The following SFI1 variants were observed in gnomAD, a reference collection of about 807,000 sequenced individuals.
The protein encoded by SFI1 is SFI1 centrin binding protein.
A neutral mutation model predicts 207.5 loss-of-function variants in SFI1; 195 were observed. The ratio of observed to expected loss-of-function variants is 0.94; its 90% confidence interval spans 0.84 to 1.06. SFI1 has a LOEUF of 1.06. Ranked by LOEUF, SFI1 falls within the 50% of genes least tolerant of loss-of-function variation. The pLI, the probability that SFI1 is intolerant of heterozygous loss-of-function variation, is 0.00. For missense variants in SFI1, 1,634 were observed against 1,588.0 expected, an observed-to-expected ratio of 1.03 and a Z score of -0.49; for synonymous variants, 630 against 598.9, an observed-to-expected ratio of 1.05 and a Z score of -0.76.
intron 15 of SFI1, 43 bp downstream of exon 15, chr22:31,589,620 A>G (rs759848820): frequency 1.1e-5 from 17 of 1,577,274 alleles, no homozygotes; most frequent in Non-Finnish European, 1.5e-5. Context: ...AGGTGTTTCA[A>G]ATCTAACTCT....
At chr22:31,582,223 TATATATATATATA>T (rs1427315155) in intron 12 of SFI1, among the ~76,000 whole-genome samples, 1 of 43,110 alleles carries the variant, frequency 2.3e-5, no homozygotes, top group Non-Finnish European at 4.7e-5. Context: ...TATATATATA[TATATATATATATA>T]TTTTTTTTTT....
chr22:31,586,202 A>G (rs2065008142), intron 14 of SFI1, among the ~76,000 whole-genome samples: 2 of 151,434 alleles, frequency 1.3e-5, no homozygotes, highest in Admixed American at 6.6e-5. Flanking sequence ...CCAGTTCTCT[A>G]TTTCACACTC....
chr22:31,614,959 TG>T, intron 28 of SFI1, 88 bp from the exon 29 acceptor site: 2 of 1,572,082 alleles, frequency 1.3e-6, no homozygotes, highest in Non-Finnish European at 1.7e-6. Flanking sequence ...TTGGCAGCCC[TG>T]GGGTGGGTGG....
chr22:31,613,420 C>A lies in SFI1; in HGVS notation c.2632C>A (p.Leu878Ile). 2 of 1,610,484 alleles carry A rather than the reference C, an allele frequency of 1.2e-6. No homozygotes were observed. Among genetic ancestry groups the A allele is most frequent in the Non-Finnish European group, 1.7e-6 (2 of 1,179,826 alleles). ...AAAGAAGGCGCGGCTGCAGTGGGCG[C>A]TCCAGGCCTACCAGGGGCAGCTCCT... Reference protein sequence around the residue: ...RRKKARLQWALQAYQGQLLQE... With the variant: ...RRKKARLQWAIQAYQGQLLQE... Residue 878 changes from leucine (L) to isoleucine (I), a missense_variant, in exon 26 of 33, where the codon CTC (leucine) becomes ATC (isoleucine). Transcript: ENST00000400288.
chr22:31,521,002 C>CA (rs57346699), intron 2 of SFI1, among the ~76,000 whole-genome samples: 2,268 of 46,748 alleles, frequency 0.049, 100 homozygotes, highest in East Asian at 0.14. Context: ...GACCCTGTCT[C>CA]AAAAAAAAAA....
intron 6 of SFI1, among the ~76,000 whole-genome samples, chr22:31,555,150 A>G (rs1476018039): frequency 6.7e-6 from 1 of 149,136 alleles, no homozygotes; most frequent in Admixed American, 6.7e-5. Flanking sequence ...ATTTATAGTT[A>G]CAGTGAATCT....
In SFI1 at chr22:31,508,270, A is replaced by G; in HGVS notation, c.-15A>G. 2 of 1,579,202 alleles carry G rather than the reference A, an allele frequency of 1.3e-6. No individual in the cohort carries two copies. Among genetic ancestry groups the G allele is most frequent in the Non-Finnish European group, 1.7e-6 (2 of 1,149,534 alleles). On this transcript the variant is annotated 5_prime_UTR_variant, in exon 2 of 33. In the 5' UTR this introduces an upstream ATG that the reference lacks. Coordinates refer to ENST00000400288, the MANE Select transcript of SFI1 (RefSeq NM_001007467.3). Reference sequence around the variant, plus strand: ...TTTCTTGTAGTTAGAAGGGGAAGATAAAAGACTTTGATTCATGAAGAATCT... The same window carrying G: ...TTTCTTGTAGTTAGAAGGGGAAGATGAAAGACTTTGATTCATGAAGAATCT...
At chr22:31,530,278 C>T (rs2058364244) in intron 3 of SFI1, among the ~76,000 whole-genome samples, 1 of 144,410 alleles carries the variant, frequency 6.9e-6, no homozygotes, top group East Asian at 2.1e-4. Context: ...ATCATGAGGT[C>T]AGGAGATCGA....
chr22:31,612,396 A>ATATAT (rs1331671158), intron 24 of SFI1: 7 of 95,740 alleles, frequency 7.3e-5, no homozygotes, highest in African/African-American at 1.2e-4. Context: ...AAAAAAAAAA[A>ATATAT]AAATATATAT....
intron 1 of SFI1, among the ~76,000 whole-genome samples, chr22:31,498,127 A>T (rs1459807526): frequency 1.3e-5 from 2 of 151,984 alleles, no homozygotes; most frequent in African/African-American, 4.8e-5. Context: ...ACCCCGTCTC[A>T]ACTAAAAAAT....
chr22:31,584,828 C>T (rs750185836), intron 13 of SFI1, among the ~76,000 whole-genome samples: 3 of 151,990 alleles, frequency 2.0e-5, no homozygotes, highest in Admixed American at 6.6e-5. Flanking sequence ...ACTGTGCTTT[C>T]GGTGGTCTAA....
intron 1 of SFI1, among the ~76,000 whole-genome samples, chr22:31,497,517 TC>T (rs1433497243): frequency 6.6e-6 from 1 of 152,150 alleles, no homozygotes; most frequent in Non-Finnish European, 1.5e-5. Flanking sequence ...ACCTGCCAGT[TC>T]CCTGTTTCTC....
Position 31,616,815 on chromosome 22 carries a change from C to T in SFI1, c.3371C>T (p.Pro1124Leu). 1 of 1,612,668 alleles carries T rather than the reference C, an allele frequency of 6.2e-7. No individual in the cohort carries two copies. Among genetic ancestry groups the T allele is most frequent in the Non-Finnish European group, 8.5e-7 (1 of 1,179,282 alleles). ...VPSSLASVPD[P>L]HLLLPGDFSA... The stretch of plus-strand genomic sequence containing the variant: ...TCATCCCTGGCCAGTGTCCCTGACC[C>T]CCATCTACTCCTTCCTGGGGACTTC... Residue 1124 changes from proline to leucine, a missense_variant, in exon 30 of 33, where the codon CCC becomes CTC. Physicochemically the swap from Pro to Leu is moderately conservative, Grantham distance 98 (BLOSUM62 -3). Coordinates refer to ENST00000400288, the MANE Select transcript of SFI1 (RefSeq NM_001007467.3).
At chr22:31,616,046 C>A (rs745601007) in intron 29 of SFI1, 1 of 151,968 alleles carries the variant, frequency 6.6e-6, no homozygotes, top group Non-Finnish European at 1.5e-5. Flanking sequence ...AGAGCCACTG[C>A]GGCCTCTAGG....
At position 31,613,507 on chromosome 22, in the gene SFI1, C is replaced by G. The variant is rs772716598; in HGVS notation, c.2719C>G (p.Leu907Val). The G allele has an allele frequency of 5.0e-6, 8 of 1,592,202 alleles. No homozygotes were observed. In the African/African-American group the frequency reaches 1.1e-4, roughly 21 times the overall value. ...AASMKASRQQLQAQQQVQAAH... is the reference protein window; with the variant it reads ...AASMKASRQQVQAQQQVQAAH... Reference sequence around the variant, plus strand: ...CAGCATGAAGGCCTCCCGGCAGCAGCTGCAGGCCCAGCAGCAGGTCCAGGT... The same window carrying G: ...CAGCATGAAGGCCTCCCGGCAGCAGGTGCAGGCCCAGCAGCAGGTCCAGGT... The change falls in exon 26 of 33, where the codon CTG becomes GTG. Residue 907 changes from leucine to valine, a missense_variant. Coordinates refer to ENST00000400288, the MANE Select transcript of SFI1 (RefSeq NM_001007467.3).
intron 9 of SFI1, among the ~76,000 whole-genome samples, chr22:31,574,854 C>T (rs1603052726): frequency 1.3e-5 from 2 of 151,912 alleles, no homozygotes; most frequent in Admixed American, 6.6e-5. Context: ...GTCAGGAGTT[C>T]GAGACCAGCT....
At position 31,607,884 on chromosome 22, in the gene SFI1, C is replaced by T. The variant is rs1030780713; in HGVS notation, c.2158-53C>T. ...GCCACCGTCACAGACCTGGGGTGGA[C>T]CCGGAAGCCAGGAGGTATAGTGACT... On this transcript the variant is annotated intron_variant, in intron 21 of 32. Coordinates refer to ENST00000400288, the MANE Select transcript of SFI1 (RefSeq NM_001007467.3). 15 of 1,546,398 alleles carry T rather than the reference C, an allele frequency of 9.7e-6. No homozygotes were observed. The African/African-American group carries it at 1.5e-4, about 15-fold the overall frequency.
At chr22:31,602,067 G>T in intron 15 of SFI1, 145 bp from the exon 16 acceptor site, 1 of 694,204 alleles carries the variant, frequency 1.4e-6, no homozygotes, top group East Asian at 2.6e-5. Flanking sequence ...TTGCAGACAT[G>T]GGCCACTGTG....
chr22:31,513,572 G>GTTTTGTTTTGTTTT (rs1569182157), intron 2 of SFI1, among the ~76,000 whole-genome samples: 1 of 151,014 alleles, frequency 6.6e-6, no homozygotes, highest in Non-Finnish European at 1.5e-5. Flanking sequence ...GTTTTGTTTT[G>GTTTTGTTTTGTTTT]TTTTGTTTTG....
Sources: allele counts gnomAD v4.1 joint callset (sites outside exome capture counted in the v4.1 genomes callset), GRCh38; gene constraint gnomAD v4.1.1; transcripts MANE v1.5; gene names NCBI Gene and HGNC (gene_info 2026-07-23, HGNC 2026-07-21).